Variants in RAB2B observed in about 807,000 individuals in gnomAD.
RAB2B encodes ras-related protein Rab-2B.
RAB2B carries 20 observed loss-of-function variants against 29.8 expected under a neutral mutation model. That is an observed-to-expected ratio of 0.67 (90% CI 0.47 to 0.97). The LOEUF (loss-of-function observed/expected upper bound fraction) is 0.97. Ranked by LOEUF, RAB2B falls within the 50% of genes least tolerant of loss-of-function variation. The probability of loss-of-function intolerance (pLI) is 0.00; values close to 1 mark genes in which losing one functional copy is unlikely to be tolerated. For missense variants in RAB2B, 218 were observed against 272.0 expected, an observed-to-expected ratio of 0.80 and a Z score of 1.40; for synonymous variants, 93 against 91.7, an observed-to-expected ratio of 1.01 and a Z score of -0.08.
At chr14:21,475,035 G>T in intron 2 of RAB2B, 101 bp from the exon 3 acceptor site, 3 of 870,646 alleles carry the variant, frequency 3.4e-6, no homozygotes, top group Non-Finnish European at 5.7e-6. Context: ...ACCATCCTTT[G>T]TCTGAACTCA....
intron 3 of RAB2B, 60 bp from the exon 4 acceptor site, chr14:21,468,812 G>A (rs975524089): frequency 8.7e-6 from 10 of 1,154,796 alleles, no homozygotes; most frequent in African/African-American, 3.1e-5. Flanking sequence ...CCACAGAACC[G>A]ACTTGATCAC....
At chr14:21,461,393 G>T (rs1318943329) in intron 7 of RAB2B, 90 bp from the exon 8 acceptor site, 1 of 786,610 alleles carries the variant, frequency 1.3e-6, no homozygotes, top group Middle Eastern at 3.7e-4. Context: ...TCCCAGGGTA[G>T]AAAGAAAACA....
At chr14:21,463,544 G>T in intron 6 of RAB2B, 112 bp downstream of exon 6, 1 of 829,646 alleles carries the variant, frequency 1.2e-6, no homozygotes, top group Non-Finnish European at 2.0e-6. Context: ...ACCGCGCTCG[G>T]CCAAGACATC....
chr14:21,472,277 A>G (rs1299849661), intron 3 of RAB2B, among the ~76,000 whole-genome samples: 1 of 152,174 alleles, frequency 6.6e-6, no homozygotes, highest in Non-Finnish European at 1.5e-5. Context: ...CACACACACG[A>G]TTTTTTAAAA....
At position 21,474,850 on chromosome 14, in the gene RAB2B, T is replaced by C. The variant is rs1890909032; in HGVS notation, c.186+17A>G. The C allele has an allele frequency of 6.2e-7, 1 of 1,604,406 alleles. No homozygotes were observed. The highest frequency in any genetic ancestry group is 1.1e-5 in the South Asian group (1 of 90,892). ...ACTTGGATATTGGTCAGAGACTAAATTATTTTGTACTCTCACCGTATCCCA... is the reference window on the plus strand; with the variant it reads ...ACTTGGATATTGGTCAGAGACTAAACTATTTTGTACTCTCACCGTATCCCA... On this transcript the variant is annotated intron_variant, in intron 3 of 7. Coordinates refer to ENST00000397762, the MANE Select transcript of RAB2B (RefSeq NM_032846.4).
intron 1 of RAB2B, 28 bp downstream of exon 1, chr14:21,476,799 C>A: frequency 6.2e-7 from 1 of 1,612,372 alleles, no homozygotes; most frequent in Non-Finnish European, 8.5e-7. Context: ...CCCGCCCGAG[C>A]CTTGAAGGCG....
chr14:21,467,952 T>G (rs534111113), intron 5 of RAB2B, among the ~76,000 whole-genome samples: 1 of 151,972 alleles, frequency 6.6e-6, no homozygotes, highest in Non-Finnish European at 1.5e-5. Flanking sequence ...AATAAGCCAG[T>G]CACAAAAGCA....
chr14:21,476,733 C>G (rs1266352994), intron 1 of RAB2B, 94 bp downstream of exon 1: 1 of 1,119,684 alleles, frequency 8.9e-7, no homozygotes, highest in Non-Finnish European at 1.3e-6. Context: ...CGTCTCGAAT[C>G]GCCCAGCCCA....
chr14:21,471,982 A>T (rs1359825599), intron 3 of RAB2B, among the ~76,000 whole-genome samples: 1 of 152,040 alleles, frequency 6.6e-6, no homozygotes, highest in Non-Finnish European at 1.5e-5. Flanking sequence ...GGCCTAGATG[A>T]AGGTTTGATA....
At chr14:21,476,474 CA>C in intron 2 of RAB2B, 53 bp downstream of exon 2, 1 of 1,605,356 alleles carries the variant, frequency 6.2e-7, no homozygotes, top group Non-Finnish European at 8.5e-7. Flanking sequence ...TCCACTTTAG[CA>C]ATTTAGCTAG....
In RAB2B at chr14:21,462,367, A is replaced by G; in HGVS notation, c.526T>C (p.Phe176Leu). ...TTTCTTACCTCATTGTGGACATCAA[A>G]TAAACCCTGCTGGATCTTCCTATAT... The part of the protein sequence containing the change: ...EIYRKIQQGL[F>L]DVHNEANGIK... Residue 176 changes from phenylalanine (F) to leucine (L), a missense_variant, in exon 7 of 8, where the codon TTT becomes CTT. Transcript: ENST00000397762. 1 of 1,613,714 alleles carries G rather than the reference A, an allele frequency of 6.2e-7. No homozygotes were observed. Among genetic ancestry groups the G allele is most frequent in the Non-Finnish European group, 8.5e-7 (1 of 1,179,818 alleles).
At chr14:21,474,737 CTCTT>C in intron 3 of RAB2B, 126 bp downstream of exon 3, 6 of 697,498 alleles carry the variant, frequency 8.6e-6, no homozygotes, top group Non-Finnish European at 1.2e-5. Flanking sequence ...AAAAACTTCT[CTCTT>C]TGATTTCACC....
chr14:21,460,239 T>C lies in RAB2B; in HGVS notation c.*957A>G, dbSNP rs56310285. The C allele has an allele frequency of 0.15, 78,495 of 515,224 alleles. 8,710 individuals carry two copies. Among genetic ancestry groups the C allele is most frequent in the African/African-American group, 0.36 (18,513 of 51,636 alleles). The allele number at this position is 515,224 out of a possible 1,614,324, so 31.9% of individuals were successfully genotyped here. On this transcript the variant is annotated 3_prime_UTR_variant, in exon 8 of 8. Transcript: ENST00000397762. The stretch of plus-strand genomic sequence containing the variant: ...ATCTAGGTAATTGCAAGTGTTCAAA[T>C]AGAATGTCTTTGACCCTAATTCTTA...
At chr14:21,476,419 A>G (rs1890967090) in intron 2 of RAB2B, 109 bp downstream of exon 2, 1 of 1,194,602 alleles carries the variant, frequency 8.4e-7, no homozygotes, top group East Asian at 2.3e-5. Flanking sequence ...AGTTTAAAGT[A>G]GTGAGGGGTA....
At chr14:21,461,498 C>T (rs1408222796) in intron 7 of RAB2B, among the ~76,000 whole-genome samples, 195 bp from the exon 8 acceptor site, 1 of 152,192 alleles carries the variant, frequency 6.6e-6, no homozygotes, top group Non-Finnish European at 1.5e-5. Context: ...TGATGTGGAA[C>T]AATAATCTGT....
intron 7 of RAB2B, 89 bp downstream of exon 7, chr14:21,462,261 T>C: frequency 9.8e-7 from 1 of 1,016,740 alleles, no homozygotes; most frequent in South Asian, 1.8e-5. Context: ...TAATGATAGA[T>C]GGGGAATGTA....
chr14:21,461,857 G>C (rs570750842), intron 7 of RAB2B, among the ~76,000 whole-genome samples: 1 of 152,158 alleles, frequency 6.6e-6, no homozygotes, highest in Non-Finnish European at 1.5e-5. Context: ...AGCATGAGCC[G>C]CCACACCTGG....
intron 5 of RAB2B, among the ~76,000 whole-genome samples, chr14:21,464,838 T>C (rs1890649787): frequency 6.6e-6 from 1 of 151,868 alleles, no homozygotes; most frequent in African/African-American, 2.4e-5. Flanking sequence ...ACCCTGTCTC[T>C]ACAAAAATTT....
At chr14:21,461,502 A>G (rs1338543050) in intron 7 of RAB2B, among the ~76,000 whole-genome samples, 199 bp from the exon 8 acceptor site, 1 of 152,214 alleles carries the variant, frequency 6.6e-6, no homozygotes, top group African/African-American at 2.4e-5. Context: ...GTGGAACAAT[A>G]ATCTGTGACA....
Sources: allele counts gnomAD v4.1 joint callset (sites outside exome capture counted in the v4.1 genomes callset), GRCh38; gene constraint gnomAD v4.1.1; transcripts MANE v1.5; gene names NCBI Gene and HGNC (gene_info 2026-07-23, HGNC 2026-07-21).